The following ZNRF3 variants were observed in gnomAD, a reference collection of about 807,000 sequenced individuals.
The protein encoded by ZNRF3 is zinc and ring finger 3, also known as E3 ubiquitin-protein ligase ZNRF3.
ZNRF3 carries 23 observed loss-of-function variants against 72.5 expected under a neutral mutation model. The ratio of observed to expected loss-of-function variants is 0.32; its 90% confidence interval spans 0.23 to 0.45. ZNRF3 has a LOEUF of 0.45. Ranked by LOEUF, ZNRF3 falls within the 20% of genes least tolerant of loss-of-function variation. The pLI is 1.00. For missense variants in ZNRF3, 1,169 were observed against 1,272.1 expected (o/e 0.92, Z 1.23); for synonymous variants, 610 against 545.3 (o/e 1.12, Z -1.65).
chr22:28,883,656 C>T lies in ZNRF3; in HGVS notation c.-111C>T, dbSNP rs965651270. The T allele has an allele frequency of 2.5e-5, 24 of 965,940 alleles. No homozygotes were observed. In the African/African-American group the frequency reaches 3.5e-4, roughly 14 times the overall value. The allele number at this position is 965,940 out of a possible 1,614,324, so 59.8% of individuals were successfully genotyped here. On this transcript the variant is annotated 5_prime_UTR_variant, in exon 1 of 9. Transcript: ENST00000544604. The surrounding 1 kb of genome is among the most constrained non-coding windows in gnomAD (Gnocchi z 5.5). ...CTGAGCCTGCGACCCACAAAGCCGC[C>T]GCCGCCGCCGCCGTGATGGGGCTGT...
chr22:29,053,574 C>A lies in ZNRF3; in HGVS notation c.2768-5C>A, dbSNP rs773638088. 2 of 1,613,182 alleles carry A rather than the reference C, an allele frequency of 1.2e-6. No homozygotes were observed. Reference sequence around the variant, plus strand: ...CCCCTGATGATTGTTCTCTCTCTTTCCCAGGACCGAGATCTCACTCAGCAG... The same window carrying A: ...CCCCTGATGATTGTTCTCTCTCTTTACCAGGACCGAGATCTCACTCAGCAG... On this transcript the variant is annotated splice_polypyrimidine_tract_variant and splice_region_variant and intron_variant, in intron 8 of 8. Transcript: ENST00000544604.
rs1305387640 is a variant in ZNRF3 at position 29,050,100 on chromosome 22, G to T, written c.1919G>T (p.Gly640Val). 1.9e-6 allele frequency: 3 copies of T among 1,608,454 alleles called. No individual in the cohort carries two copies. Among genetic ancestry groups the T allele is most frequent in the South Asian group, 1.1e-5 (1 of 91,028 alleles). Reference protein sequence around the residue: ...PEELPAVHSHGAGRGEPWPGP... With the variant: ...PEELPAVHSHVAGRGEPWPGP... Reference sequence around the variant, plus strand: ...GAGCTCCCGGCGGTGCACAGTCATGGTGCTGGGCGGGGCGAGCCTTGGCCG... The same window carrying T: ...GAGCTCCCGGCGGTGCACAGTCATGTTGCTGGGCGGGGCGAGCCTTGGCCG... Residue 640 changes from glycine to valine, a missense_variant, in exon 8 of 9, where the codon GGT (glycine) becomes GTT (valine). Gly to Val is a moderately radical substitution (Grantham distance 109, BLOSUM62 -3). This residue lies in a region of ZNRF3 where 783 missense variants were observed against 731.4 expected (regional missense o/e 1.07). Transcript: ENST00000544604.
chr22:29,052,167 A>G (rs1433014771), intron 8 of ZNRF3, among the ~76,000 whole-genome samples: 3 of 152,228 alleles, frequency 2.0e-5, no homozygotes, highest in African/African-American at 7.2e-5. Flanking sequence ...CACTGCAACA[A>G]GATCTACCTG....
chr22:28,897,153 T>C (rs1159041337), intron 1 of ZNRF3, among the ~76,000 whole-genome samples: 2 of 152,190 alleles, frequency 1.3e-5, no homozygotes, highest in Non-Finnish European at 2.9e-5. Context: ...CATCAGTCTC[T>C]TGATCAAAAT....
chr22:28,946,279 G>A (rs909171627), intron 1 of ZNRF3, among the ~76,000 whole-genome samples: 1 of 152,210 alleles, frequency 6.6e-6, no homozygotes, highest in Non-Finnish European at 1.5e-5. Context: ...CCAAGACAAT[G>A]ACTTTTCTCT....
At chr22:28,897,293 T>C (rs774752334) in intron 1 of ZNRF3, among the ~76,000 whole-genome samples, 7 of 152,140 alleles carry the variant, frequency 4.6e-5, no homozygotes, top group African/African-American at 2.4e-5. Flanking sequence ...GTCCTGGGCT[T>C]TCCTCTCTCA....
chr22:29,016,014 C>CAAAAAAAAAAAAAAAAAAAAAAAAAA (rs34796724), intron 2 of ZNRF3, among the ~76,000 whole-genome samples: 1 of 102,462 alleles, frequency 9.8e-6, no homozygotes. Flanking sequence ...GAAACTGTCT[C>CAAAAAAAAAAAAAAAAAAAAAAAAAA]AAAAAAAAAA....
chr22:28,915,699 C>T (rs1466510237), intron 1 of ZNRF3, among the ~76,000 whole-genome samples: 2 of 152,196 alleles, frequency 1.3e-5, no homozygotes, highest in African/African-American at 4.8e-5. Context: ...AGATAGAATT[C>T]ATTCTAATGT....
At chr22:28,953,257 T>C (rs2035198200) in intron 1 of ZNRF3, among the ~76,000 whole-genome samples, 1 of 152,172 alleles carries the variant, frequency 6.6e-6, no homozygotes, top group Non-Finnish European at 1.5e-5. Context: ...TCAAAACGTA[T>C]CCTAGCCATA....
At chr22:28,949,455 T>A (rs919829168) in intron 1 of ZNRF3, among the ~76,000 whole-genome samples, 6 of 152,260 alleles carry the variant, frequency 3.9e-5, no homozygotes, top group African/African-American at 1.4e-4. Context: ...TTTTATTTTT[T>A]TTTTATACTG....
chr22:28,962,473 C>A (rs938654606), intron 1 of ZNRF3, among the ~76,000 whole-genome samples: 2 of 152,206 alleles, frequency 1.3e-5, no homozygotes, highest in Non-Finnish European at 2.9e-5. Context: ...CACAAGCAGT[C>A]ACTTGTTTTT....
chr22:28,972,528 A>G (rs1413642920), intron 1 of ZNRF3, among the ~76,000 whole-genome samples: 3 of 152,200 alleles, frequency 2.0e-5, no homozygotes. Flanking sequence ...GGACATTCAC[A>G]TTGTTTCCAC....
At chr22:29,008,961 T>A (rs2036304123) in intron 2 of ZNRF3, among the ~76,000 whole-genome samples, 1 of 152,138 alleles carries the variant, frequency 6.6e-6, no homozygotes, top group Admixed American at 6.5e-5. Flanking sequence ...AAATTTAGCT[T>A]GTGTCTCAAA....
rs141406569 is a variant in ZNRF3 at position 29,039,603 on chromosome 22, C to T, written c.427-2892C>T. On this transcript the variant is annotated intron_variant, in intron 2 of 8. Transcript: ENST00000544604. ...GCATCTACTTACAATTATATTAACT[C>T]TGGCATCCATGAGCTGTTGGCCTCT... Among the ~76,000 whole-genome samples, 304 of 152,070 alleles carry T rather than the reference C, an allele frequency of 2.0e-3. 4 individuals carry two copies. The highest frequency in any genetic ancestry group is 6.9e-3 in the African/African-American group (286 of 41,446).
chr22:28,998,875 C>T (rs2123839691), intron 2 of ZNRF3, among the ~76,000 whole-genome samples: 1 of 152,264 alleles, frequency 6.6e-6, no homozygotes, highest in African/African-American at 2.4e-5. Context: ...TGGCCACCTC[C>T]CAGGACTGGG....
intron 1 of ZNRF3, among the ~76,000 whole-genome samples, chr22:28,915,071 C>T (rs1178171575): frequency 6.6e-6 from 1 of 152,214 alleles, no homozygotes; most frequent in Non-Finnish European, 1.5e-5. Flanking sequence ...AACCAAATTT[C>T]TTCTGCTCCT....
At chr22:29,032,087 G>T (rs1028021821) in intron 2 of ZNRF3, among the ~76,000 whole-genome samples, 1 of 152,218 alleles carries the variant, frequency 6.6e-6, no homozygotes, top group Non-Finnish European at 1.5e-5. Flanking sequence ...CTTTCCTGGG[G>T]TTGGGCCGCT....
At chr22:28,941,893 C>G (rs1264538783) in intron 1 of ZNRF3, among the ~76,000 whole-genome samples, 1 of 152,028 alleles carries the variant, frequency 6.6e-6, no homozygotes, top group African/African-American at 2.4e-5. Flanking sequence ...AGGCGGAGGT[C>G]GCAGTGAGCA....
At chr22:29,024,632 C>G (rs1189426039) in intron 2 of ZNRF3, among the ~76,000 whole-genome samples, 1 of 152,096 alleles carries the variant, frequency 6.6e-6, no homozygotes, top group African/African-American at 2.4e-5. Flanking sequence ...AGAAGAGGCA[C>G]TAGATCTTTT....
Sources: allele counts gnomAD v4.1 joint callset (sites outside exome capture counted in the v4.1 genomes callset), GRCh38; gene constraint gnomAD v4.1.1; regional missense constraint gnomAD v4.1.1; non-coding constraint Gnocchi (gnomAD v3.1); transcripts MANE v1.5; gene names NCBI Gene and HGNC (gene_info 2026-07-23, HGNC 2026-07-21).